RPAP3: variants seen among roughly 807,000 people sequenced by gnomAD.
The protein encoded by RPAP3 is RNA polymerase II-associated protein 3.
RPAP3 carries 58 observed loss-of-function variants against 88.8 expected under a neutral mutation model. The observed-to-expected ratio is 0.65, with a 90% CI of 0.53 to 0.81. The LOEUF (loss-of-function observed/expected upper bound fraction) is 0.81. Ranked by LOEUF, RPAP3 falls within the 40% of genes least tolerant of loss-of-function variation. The pLI, the probability that RPAP3 is intolerant of heterozygous loss-of-function variation, is 0.00. For missense variants in RPAP3, 751 were observed against 764.3 expected, an observed-to-expected ratio of 0.98 and a Z score of 0.20; for synonymous variants, 255 against 259.9, an observed-to-expected ratio of 0.98 and a Z score of 0.18.
chr12:47,696,255 C>CAGA, intron 5 of RPAP3, 21 bp downstream of exon 5: 1 of 1,499,242 alleles, frequency 6.7e-7, no homozygotes, highest in Non-Finnish European at 8.9e-7. Flanking sequence ...CACATTCACA[C>CAGA]ACGTCACAGA....
intron 13 of RPAP3, 77 bp downstream of exon 13, chr12:47,670,030 G>A: frequency 1.1e-6 from 1 of 935,074 alleles, no homozygotes; most frequent in East Asian, 2.4e-5. Flanking sequence ...GTACAAATCA[G>A]AAGTCTCAGT....
chr12:47,696,424 A>G, intron 4 of RPAP3, 21 bp from the exon 5 acceptor site: 2 of 1,528,084 alleles, frequency 1.3e-6, no homozygotes, highest in Non-Finnish European at 1.8e-6. Context: ...ATTATATAAA[A>G]TGATCTTTTT....
intron 12 of RPAP3, among the ~76,000 whole-genome samples, chr12:47,671,410 A>C (rs558805749): frequency 1.3e-5 from 2 of 152,338 alleles, no homozygotes; most frequent in Non-Finnish European, 2.9e-5. Context: ...TACATAGTTG[A>C]ATTATAAATT....
chr12:47,690,471 T>C, intron 6 of RPAP3, 47 bp downstream of exon 6: 1 of 1,479,904 alleles, frequency 6.8e-7, no homozygotes, highest in Non-Finnish European at 9.1e-7. Context: ...ATAGCATCTG[T>C]GAGATAACAC....
intron 3 of RPAP3, among the ~76,000 whole-genome samples, chr12:47,698,326 A>G (rs921972095): frequency 6.6e-6 from 1 of 152,100 alleles, no homozygotes; most frequent in Non-Finnish European, 1.5e-5. Context: ...GATATGTTAT[A>G]CTGTCTCTCG....
chr12:47,702,436 C>A (rs529787978), intron 2 of RPAP3, among the ~76,000 whole-genome samples: 1 of 151,960 alleles, frequency 6.6e-6, no homozygotes, highest in Admixed American at 6.5e-5. Context: ...CGCCTGTAGT[C>A]CCAGTTACTC....
At chr12:47,698,255 C>T (rs758740737) in intron 3 of RPAP3, among the ~76,000 whole-genome samples, 2 of 151,974 alleles carry the variant, frequency 1.3e-5, no homozygotes, top group Middle Eastern at 3.2e-3. Flanking sequence ...AGTTAGTTAA[C>T]TCATTCAAGG....
chr12:47,677,353 C>T (rs1317850125), intron 12 of RPAP3, among the ~76,000 whole-genome samples: 1 of 152,168 alleles, frequency 6.6e-6, no homozygotes, highest in Non-Finnish European at 1.5e-5. Flanking sequence ...TGCCCTCTCT[C>T]ACCACTCCTA....
chr12:47,683,489 TATATTTAATTGC>T (rs1422868854), intron 9 of RPAP3, among the ~76,000 whole-genome samples: 1 of 152,344 alleles, frequency 6.6e-6, no homozygotes, highest in East Asian at 1.9e-4. Context: ...ATTTTAATTG[TATATTTAATTGC>T]ATATTTAATT....
intron 5 of RPAP3, among the ~76,000 whole-genome samples, chr12:47,690,978 A>G (rs1320655556): frequency 6.6e-6 from 1 of 152,228 alleles, no homozygotes; most frequent in Non-Finnish European, 1.5e-5. Context: ...TATATACCTT[A>G]ATTAAAAAAC....
At chr12:47,700,424 A>G (rs917159343) in intron 3 of RPAP3, among the ~76,000 whole-genome samples, 14 of 152,202 alleles carry the variant, frequency 9.2e-5, no homozygotes, top group African/African-American at 3.4e-4. Flanking sequence ...GCTTTAGAAC[A>G]TACATCTCTA....
In RPAP3 at chr12:47,702,693, C is replaced by T; in HGVS notation, c.148G>A (p.Glu50Lys). 3 of 1,574,950 alleles carry T rather than the reference C, an allele frequency of 1.9e-6. No homozygotes were observed. The highest frequency in any genetic ancestry group is 2.6e-6 in the Non-Finnish European group (3 of 1,161,772). ...MELRRQNGVP[E>K]ENLPPIRNGN... ...ATTACGAATTCTTAATTTACCTCTT[C>T]AGGAACACCATTCTGTCTTCTTAGT... Residue 50 changes from glutamate to lysine, a missense_variant, in exon 2 of 17, where the codon GAA becomes AAA. By Grantham distance (56) the Glu-to-Lys change is moderately conservative (BLOSUM62 1). Transcript: ENST00000005386.
intron 6 of RPAP3, 108 bp downstream of exon 6, chr12:47,690,410 A>T (rs1939406088): frequency 1.1e-6 from 1 of 913,580 alleles, no homozygotes. Context: ...CTTTGTTCAA[A>T]TACAGAAAGC....
At chr12:47,670,075 G>A in intron 13 of RPAP3, 32 bp downstream of exon 13, 2 of 1,338,870 alleles carry the variant, frequency 1.5e-6, no homozygotes, top group Non-Finnish European at 2.1e-6. Flanking sequence ...ACCCATTCTG[G>A]ATGATCAGCA....
chr12:47,674,954 C>G (rs1939080788), intron 12 of RPAP3, among the ~76,000 whole-genome samples: 1 of 151,960 alleles, frequency 6.6e-6, no homozygotes, highest in Non-Finnish European at 1.5e-5. Context: ...GTCAGATTTA[C>G]CAAGGTTGAA....
At chr12:47,667,916 A>C in intron 14 of RPAP3, 65 bp from the exon 15 acceptor site, 1 of 1,038,954 alleles carries the variant, frequency 9.6e-7, no homozygotes, top group East Asian at 2.5e-5. Context: ...ATTACACAAC[A>C]ATTGCTTGGG....
rs1266853670 is a variant in RPAP3, at chr12:47,696,322, G to T, written c.499C>A (p.Pro167Thr). 2 of 1,598,948 alleles carry T rather than the reference G, an allele frequency of 1.3e-6. No individual in the cohort carries two copies. Among genetic ancestry groups the T allele is most frequent in the Non-Finnish European group, 8.5e-7 (1 of 1,172,460 alleles). ...GACGCTCTGTTCGTTGGCAACACGGGATTATATGGATCGGCATCCATGCCT... is the reference window on the plus strand; with the variant it reads ...GACGCTCTGTTCGTTGGCAACACGGTATTATATGGATCGGCATCCATGCCT... ...TKGMDADPYN[P>T]VLPTNRASAY... The change falls in exon 5 of 17, where the codon CCC (proline) becomes ACC (threonine). Residue 167 changes from proline (P) to threonine (T), a missense_variant. Pro to Thr is a conservative substitution (Grantham distance 38). Coordinates refer to ENST00000005386, the MANE Select transcript of RPAP3 (RefSeq NM_024604.3).
At chr12:47,667,137 T>C (rs1341060681) in intron 15 of RPAP3, 57 bp from the exon 16 acceptor site, 5 of 724,008 alleles carry the variant, frequency 6.9e-6, no homozygotes, top group Non-Finnish European at 8.3e-6. Flanking sequence ...CATTTATTAA[T>C]AATTCTGTTT....
At position 47,663,380 on chromosome 12, in the gene RPAP3, T is replaced by G. The variant is rs1297723568; in HGVS notation, c.*125A>C. The G allele has an allele frequency of 1.6e-6, 1 of 612,718 alleles. No homozygotes were observed. The highest frequency in any genetic ancestry group is 2.8e-6 in the Non-Finnish European group (1 of 352,854). The allele number at this position is 612,718 out of a possible 1,614,324, so 38.0% of individuals were successfully genotyped here. ...AAATCACAATTCACCTTATAGTTAATTAACTTATGTTCAAAGATAGTCCTT... is the reference window on the plus strand; with the variant it reads ...AAATCACAATTCACCTTATAGTTAAGTAACTTATGTTCAAAGATAGTCCTT... On this transcript the variant is annotated 3_prime_UTR_variant, in exon 17 of 17. Coordinates refer to ENST00000005386, the MANE Select transcript of RPAP3 (RefSeq NM_024604.3).
Sources: gnomAD v4.1 joint callset for allele counts (sites outside exome capture counted in the v4.1 genomes callset) on GRCh38, gnomAD v4.1.1 for gene constraint, MANE v1.5 for transcripts, NCBI Gene and HGNC (gene_info 2026-07-23, HGNC 2026-07-21) for gene names.